The following PRMT8 variants were observed in gnomAD, a reference collection of about 807,000 sequenced individuals.
PRMT8 encodes protein arginine methyltransferase 8, also known as protein arginine N-methyltransferase 8.
PRMT8 carries 7 observed loss-of-function variants against 47.1 expected under a neutral mutation model. That is an observed-to-expected ratio of 0.15 (90% confidence interval 0.08 to 0.28). PRMT8 has a LOEUF of 0.28. Among genes scored for constraint, PRMT8 ranks in the 10% least tolerant of loss-of-function variants. PRMT8 has a pLI of 1.00. For synonymous variants in PRMT8, 188 were observed against 186.5 expected (o/e 1.01, Z -0.07); for missense variants, 237 against 505.4 (o/e 0.47, Z 5.09).
chr12:3,396,364 C>T (rs1042339318), intron 1 of PRMT8, among the ~76,000 whole-genome samples: 8 of 152,200 alleles, frequency 5.3e-5, no homozygotes, highest in African/African-American at 1.7e-4. Context: ...TTGTTCCTTT[C>T]CATGTTTAGC....
chr12:3,425,847 C>G (rs148973485), intron 1 of PRMT8, among the ~76,000 whole-genome samples: 1 of 152,368 alleles, frequency 6.6e-6, no homozygotes, highest in Non-Finnish European at 1.5e-5. Context: ...GCAGAGTGCC[C>G]AGTAAAGGCC....
At chr12:3,473,338 G>C (rs1165130705) in intron 1 of PRMT8, among the ~76,000 whole-genome samples, 1 of 152,098 alleles carries the variant, frequency 6.6e-6, no homozygotes, top group East Asian at 1.9e-4. Flanking sequence ...TTCTCCATGG[G>C]ATGCAGCTGA....
intron 1 of PRMT8, among the ~76,000 whole-genome samples, chr12:3,494,158 G>A (rs1362559813): frequency 6.6e-6 from 1 of 152,158 alleles, no homozygotes; most frequent in Non-Finnish European, 1.5e-5. Flanking sequence ...TCCTAGTTCT[G>A]AATTCCACAC....
chr12:3,551,076 A>ACCCCC (rs3837513), intron 3 of PRMT8: 9 of 137,100 alleles, frequency 6.6e-5, no homozygotes, highest in Non-Finnish European at 1.3e-4. Flanking sequence ...AGCCCTGGGG[A>ACCCCC]CCCCCCCCCG....
At chr12:3,474,727 C>G (rs1865193553) in intron 1 of PRMT8, among the ~76,000 whole-genome samples, 1 of 152,108 alleles carries the variant, frequency 6.6e-6, no homozygotes, top group Non-Finnish European at 1.5e-5. Context: ...GTCTGCTTGC[C>G]CCCATAAGGC....
At chr12:3,467,239 C>CAAAAAAAAAA (rs10694948) in intron 1 of PRMT8, among the ~76,000 whole-genome samples, 5 of 48,812 alleles carry the variant, frequency 1.0e-4, no homozygotes, top group Non-Finnish European at 1.2e-4. Context: ...GACTCCATCT[C>CAAAAAAAAAA]AAAAAAAAAA....
At chr12:3,443,273 A>T (rs78005366) in intron 1 of PRMT8, among the ~76,000 whole-genome samples, 3,231 of 152,250 alleles carry the variant, frequency 0.021, 41 homozygotes, top group South Asian at 0.042. Context: ...ATAGCATTAA[A>T]CTTTATAAGC....
At chr12:3,462,616 C>A (rs1865053749) in intron 1 of PRMT8, 1 of 152,000 alleles carries the variant, frequency 6.6e-6, no homozygotes, top group Admixed American at 6.6e-5. Context: ...AAAGGACCCA[C>A]CTTCCTCAGA....
intron 1 of PRMT8, among the ~76,000 whole-genome samples, chr12:3,387,180 C>G (rs1197358429): frequency 1.3e-5 from 2 of 152,200 alleles, no homozygotes; most frequent in Admixed American, 1.3e-4. Flanking sequence ...TAGGGCCTGC[C>G]TTCTCTTCAA....
intron 1 of PRMT8, among the ~76,000 whole-genome samples, chr12:3,498,641 G>A (rs1201320758): frequency 6.6e-6 from 1 of 152,156 alleles, no homozygotes. Flanking sequence ...GTCTAACAAA[G>A]TATAGCTCTT....
chr12:3,421,034 T>A (rs1371533381), intron 1 of PRMT8, among the ~76,000 whole-genome samples: 1 of 152,232 alleles, frequency 6.6e-6, no homozygotes, highest in South Asian at 2.1e-4. Context: ...GAGACGATAT[T>A]GTGACTATGC....
chr12:3,498,747 C>T (rs904875938), intron 1 of PRMT8, among the ~76,000 whole-genome samples: 1 of 152,110 alleles, frequency 6.6e-6, no homozygotes, highest in African/African-American at 2.4e-5. Flanking sequence ...AGGACAGGAA[C>T]TTTGTTTCTT....
intron 1 of PRMT8, among the ~76,000 whole-genome samples, chr12:3,459,949 C>A (rs748209800): frequency 3.3e-5 from 5 of 152,192 alleles, no homozygotes; most frequent in Non-Finnish European, 7.3e-5. Flanking sequence ...CCCTCCTATG[C>A]CATTACGTTC....
At chr12:3,396,574 A>G (rs1331928126) in intron 1 of PRMT8, among the ~76,000 whole-genome samples, 1 of 152,212 alleles carries the variant, frequency 6.6e-6, no homozygotes, top group Non-Finnish European at 1.5e-5. Flanking sequence ...GTTTCTGCCG[A>G]AAGATCCACT....
At chr12:3,568,024 A>G (rs1866756111) in intron 4 of PRMT8, among the ~76,000 whole-genome samples, 1 of 151,610 alleles carries the variant, frequency 6.6e-6, no homozygotes, top group Non-Finnish European at 1.5e-5. Flanking sequence ...GTGAGCAGAG[A>G]TCACGCCACT....
At chr12:3,384,893 G>A (rs1238364648) in intron 1 of PRMT8, among the ~76,000 whole-genome samples, 2 of 150,162 alleles carry the variant, frequency 1.3e-5, no homozygotes, top group East Asian at 4.0e-4. Context: ...CACCTATTAA[G>A]TGACAGTGGA....
At chr12:3,470,848 C>A (rs923980480) in intron 1 of PRMT8, among the ~76,000 whole-genome samples, 6 of 152,200 alleles carry the variant, frequency 3.9e-5, no homozygotes, top group Admixed American at 3.3e-4. Flanking sequence ...GCTGCAAGCT[C>A]TGGGACACAG....
intron 1 of PRMT8, among the ~76,000 whole-genome samples, chr12:3,461,451 C>CT (rs1240915155): frequency 6.6e-6 from 1 of 152,172 alleles, no homozygotes; most frequent in Admixed American, 6.5e-5. Flanking sequence ...TCCTTGGGCA[C>CT]TTAAGTTGGG....
At position 3,492,441 on chromosome 12, in the gene PRMT8, C is replaced by T. The variant is rs1865434889; in HGVS notation, c.75+741C>T. 6.6e-6 allele frequency among the ~76,000 whole-genome samples: 1 copy of T among 152,192 alleles called. No individual in the cohort carries two copies. Among genetic ancestry groups the T allele is most frequent in the Non-Finnish European group, 1.5e-5 (1 of 68,030 alleles). On this transcript the variant is annotated intron_variant, in intron 1 of 9. Coordinates refer to ENST00000382622, the MANE Select transcript of PRMT8 (RefSeq NM_019854.5). This position sits in a 1 kb window ranked among gnomAD's most constrained non-coding sequence, Gnocchi z 7.5. ...CTGCGCGGACTGTGGGGGCTGCGCG[C>T]CGCCGGCTGCAGTGAGAAATGGGTC...
Sources: allele counts gnomAD v4.1 joint callset (sites outside exome capture counted in the v4.1 genomes callset), GRCh38; gene constraint gnomAD v4.1.1; non-coding constraint Gnocchi (gnomAD v3.1); transcripts MANE v1.5; gene names NCBI Gene and HGNC (gene_info 2026-07-23, HGNC 2026-07-21).